Variants in QNG1 observed in about 807,000 individuals in gnomAD.
QNG1 encodes Q-nucleotide N-glycosylase 1, also known as queuosine 5'-phosphate N-glycosylase/hydrolase.
the QNG1 span, among the ~76,000 whole-genome samples, chr9:83,945,824 G>C: frequency 6.6e-6 from 1 of 151,860 alleles, no homozygotes; most frequent in Non-Finnish European, 1.5e-5. Context: ...GGATGGTCTC[G>C]ATCTCCTGAC....
At chr9:83,953,800 G>C in the QNG1 span, 1 of 1,549,128 alleles carries the variant, frequency 6.5e-7, no homozygotes, top group African/African-American at 1.4e-5. Flanking sequence ...TCCGGGTGCA[G>C]CCTGTGAGGG....
the QNG1 span, among the ~76,000 whole-genome samples, chr9:83,954,565 G>C: frequency 1.3e-5 from 2 of 150,790 alleles, no homozygotes; most frequent in Non-Finnish European, 3.0e-5. Context: ...CTGGGAGTCA[G>C]AGCAAGACTC....
chr9:83,952,323 A>C, the QNG1 span, among the ~76,000 whole-genome samples: 5,031 of 152,254 alleles, frequency 0.033, 260 homozygotes, highest in African/African-American at 0.11. Flanking sequence ...TGTTAGAAAC[A>C]AGTACTCATG....
the QNG1 span, chr9:83,955,746 G>T: frequency 9.6e-7 from 1 of 1,041,802 alleles, no homozygotes; most frequent in Non-Finnish European, 1.4e-6. Context: ...GAGTGGTATA[G>T]GAATGCACCA....
At chr9:83,948,485 C>T in the QNG1 span, among the ~76,000 whole-genome samples, 1 of 148,442 alleles carries the variant, frequency 6.7e-6, no homozygotes, top group South Asian at 2.2e-4. Flanking sequence ...TGGGGGGCGC[C>T]TCCGCCCGGC....
At chr9:83,943,392 G>C in the QNG1 span, among the ~76,000 whole-genome samples, 4 of 140,396 alleles carry the variant, frequency 2.8e-5, no homozygotes, top group Non-Finnish European at 6.2e-5. Context: ...CCACGTAAGA[G>C]AATACTCAGA....
At chr9:83,939,187 C>A in the QNG1 span, 11 of 244,108 alleles carry the variant, frequency 4.5e-5, no homozygotes, top group Non-Finnish European at 8.9e-5. Context: ...GATTCTCTTG[C>A]CTCAGCCTCC....
chr9:83,950,596 CTTTT>C, the QNG1 span, among the ~76,000 whole-genome samples: 4 of 118,324 alleles, frequency 3.4e-5, no homozygotes, highest in Admixed American at 8.5e-5. Context: ...CTTTTCTTTT[CTTTT>C]TTTTTTTTTT....
chr9:83,952,136 C>T, the QNG1 span, among the ~76,000 whole-genome samples: 1 of 151,698 alleles, frequency 6.6e-6, no homozygotes, highest in Non-Finnish European at 1.5e-5. Flanking sequence ...ACAGGCATGC[C>T]ACCACGCCTG....
the QNG1 span, chr9:83,955,747 G>A: frequency 9.6e-7 from 1 of 1,038,086 alleles, no homozygotes; most frequent in Non-Finnish European, 1.4e-6. Flanking sequence ...AGTGGTATAG[G>A]AATGCACCAA....
At chr9:83,938,940 G>C in the QNG1 span, 3 of 153,180 alleles carry the variant, frequency 2.0e-5, no homozygotes, top group Non-Finnish European at 4.3e-5. Flanking sequence ...TAGAGATGGG[G>C]GTCTCCCTAT....
At chr9:83,945,762 G>A in the QNG1 span, among the ~76,000 whole-genome samples, 3 of 148,642 alleles carry the variant, frequency 2.0e-5, no homozygotes, top group Non-Finnish European at 4.4e-5. Flanking sequence ...CACCACGCCC[G>A]GCTAATTTTT....
the QNG1 span, among the ~76,000 whole-genome samples, chr9:83,951,164 G>A: frequency 7.2e-5 from 11 of 152,184 alleles, no homozygotes; most frequent in African/African-American, 2.4e-4. Context: ...CCAGCTACTC[G>A]GGAGCTGAGG....
chr9:83,939,549 C>T, the QNG1 span: 7 of 1,613,920 alleles, frequency 4.3e-6, no homozygotes, highest in African/African-American at 9.3e-5. Flanking sequence ...AACGGAATTC[C>T]TTTCATATCT....
the QNG1 span, among the ~76,000 whole-genome samples, chr9:83,948,719 C>CA: frequency 6.6e-6 from 1 of 152,216 alleles, no homozygotes; most frequent in African/African-American, 2.4e-5. Flanking sequence ...AAGAAGTAGA[C>CA]ATAGGAGACT....
the QNG1 span, chr9:83,939,748 A>C: frequency 2.5e-6 from 4 of 1,604,568 alleles, no homozygotes; most frequent in Non-Finnish European, 3.4e-6. Flanking sequence ...TTTCTCCTGC[A>C]AGGGGGAAAA....
chr9:83,941,901 C>T, the QNG1 span, among the ~76,000 whole-genome samples: 93 of 150,424 alleles, frequency 6.2e-4, no homozygotes, highest in African/African-American at 2.3e-3. Context: ...AACAAAACTC[C>T]GTCTCAAAAA....
the QNG1 span, chr9:83,956,241 C>T: frequency 2.0e-5 from 33 of 1,613,976 alleles, no homozygotes; most frequent in Non-Finnish European, 2.7e-5. Flanking sequence ...CCTCACCACA[C>T]ACTTGTGCTC....
the QNG1 span, among the ~76,000 whole-genome samples, chr9:83,940,537 A>G: frequency 6.6e-6 from 1 of 152,074 alleles, no homozygotes; most frequent in African/African-American, 2.4e-5. Flanking sequence ...CTAGAGTAGG[A>G]CTCATGGACC....
Sources: allele counts gnomAD v4.1 joint callset (sites outside exome capture counted in the v4.1 genomes callset), GRCh38; gene constraint gnomAD v4.1.1; transcripts MANE v1.5; gene names NCBI Gene and HGNC (gene_info 2026-07-23, HGNC 2026-07-21).